CFAP299: variants seen among roughly 807,000 people sequenced by gnomAD.
CFAP299 encodes the protein cilia and flagella associated protein 299.
CFAP299 carries 21 observed loss-of-function variants against 27.0 expected under a neutral mutation model. The observed-to-expected ratio is 0.78, with a 90% confidence interval of 0.55 to 1.12. The LOEUF (loss-of-function observed/expected upper bound fraction) is 1.12, where lower values mean the gene tolerates loss of function less well. Among genes scored for constraint, CFAP299 ranks in the 50% most tolerant of loss-of-function variants. CFAP299 has a pLI of 0.00. For missense variants in CFAP299, 310 were observed against 276.6 expected (o/e 1.12, Z -0.86); for synonymous variants, 104 against 98.1 (o/e 1.06, Z -0.36).
chr4:80,860,095 A>G (rs1180734349), intron 3 of CFAP299, among the ~76,000 whole-genome samples: 1 of 152,098 alleles, frequency 6.6e-6, no homozygotes, highest in Non-Finnish European at 1.5e-5. Context: ...TATTTCTTGG[A>G]GGCTTTGTTC....
chr4:80,546,353 T>G (rs1310242845), intron 2 of CFAP299, among the ~76,000 whole-genome samples: 1 of 152,050 alleles, frequency 6.6e-6, no homozygotes, highest in Non-Finnish European at 1.5e-5. Context: ...CAGAGCCACA[T>G]CAGCAATGCA....
rs1553924204 is a variant in CFAP299 at position 80,450,910 on chromosome 4, T to TGTGA, written c.242+88027_242+88028insTGAG. ...TACCGTGTGTGTGTGTGTGTGTGTG[T>TGTGA]GAGAGAGAGAGAGAGAGCATTTGGG... On this transcript the variant is annotated intron_variant, in intron 2 of 5. Coordinates refer to ENST00000358105, the MANE Select transcript of CFAP299 (RefSeq NM_152770.3). Among the ~76,000 whole-genome samples, 524 of 147,584 alleles carry TGTGA rather than the reference T, an allele frequency of 3.6e-3. 3 individuals are homozygous for TGTGA. Among genetic ancestry groups the TGTGA allele is most frequent in the African/African-American group, 0.011 (451 of 40,000 alleles).
chr4:80,370,589 G>A (rs1024573602), intron 2 of CFAP299, among the ~76,000 whole-genome samples: 4 of 152,304 alleles, frequency 2.6e-5, no homozygotes, highest in Middle Eastern at 3.4e-3. Flanking sequence ...GGGAGAAATC[G>A]GCCAAAAGAA....
intron 3 of CFAP299, among the ~76,000 whole-genome samples, chr4:80,783,391 C>G (rs1727046565): frequency 6.6e-6 from 1 of 152,120 alleles, no homozygotes; most frequent in Non-Finnish European, 1.5e-5. Flanking sequence ...CCATACGAGG[C>G]ACCTCCATTT....
intron 1 of CFAP299, among the ~76,000 whole-genome samples, chr4:80,347,076 T>C (rs1722767736): frequency 6.6e-6 from 1 of 152,162 alleles, no homozygotes; most frequent in African/African-American, 2.4e-5. Flanking sequence ...TCTCTGTTTG[T>C]CTGTTATTGG....
In CFAP299 at chr4:80,340,608, T is replaced by C. The variant is rs140942652; in HGVS notation, c.111+4729T>C. On this transcript the variant is annotated intron_variant, in intron 1 of 5. Transcript: ENST00000358105. Reference sequence around the variant, plus strand: ...GCAGTAGACTGGAGACTGCCTAAGATGGACAAATTCCCAGGGGGACAGGTG... The same window carrying C: ...GCAGTAGACTGGAGACTGCCTAAGACGGACAAATTCCCAGGGGGACAGGTG... 6.2e-3 allele frequency among the ~76,000 whole-genome samples: 947 copies of C among 152,208 alleles called. 2 individuals are homozygous for C. The highest frequency in any genetic ancestry group is 0.024 in the Middle Eastern group (7 of 292).
chr4:80,431,051 C>G (rs1727790618), intron 2 of CFAP299, among the ~76,000 whole-genome samples: 1 of 152,212 alleles, frequency 6.6e-6, no homozygotes, highest in South Asian at 2.1e-4. Flanking sequence ...TGCCCTCTTC[C>G]TTCACAGCAG....
At chr4:80,731,403 G>T (rs1416898552) in intron 3 of CFAP299, among the ~76,000 whole-genome samples, 2 of 152,166 alleles carry the variant, frequency 1.3e-5, no homozygotes, top group Non-Finnish European at 2.9e-5. Flanking sequence ...AAAAATGGAG[G>T]CATGCATGCG....
intron 2 of CFAP299, among the ~76,000 whole-genome samples, chr4:80,543,865 C>G (rs1734113718): frequency 6.6e-6 from 1 of 152,060 alleles, no homozygotes; most frequent in African/African-American, 2.4e-5. Context: ...CTATGCAAAA[C>G]AACCATCCCC....
At chr4:80,827,825 TA>T (rs970609911) in intron 3 of CFAP299, among the ~76,000 whole-genome samples, 12 of 152,126 alleles carry the variant, frequency 7.9e-5, no homozygotes, top group African/African-American at 2.9e-4. Context: ...TAATATGTCT[TA>T]AAACTAATAA....
chr4:80,462,352 C>A (rs1203393953), intron 2 of CFAP299, among the ~76,000 whole-genome samples: 1 of 152,172 alleles, frequency 6.6e-6, no homozygotes, highest in African/African-American at 2.4e-5. Context: ...GCGGAGCAGA[C>A]TATAGTAATC....
chr4:80,657,363 C>G (rs552793004), intron 3 of CFAP299, among the ~76,000 whole-genome samples: 6 of 152,098 alleles, frequency 3.9e-5, no homozygotes, highest in Non-Finnish European at 8.8e-5. Context: ...GGTTTTAGGT[C>G]TTATGTTTAA....
At chr4:80,556,477 C>T (rs1734790036) in intron 2 of CFAP299, among the ~76,000 whole-genome samples, 1 of 151,818 alleles carries the variant, frequency 6.6e-6, no homozygotes, top group Non-Finnish European at 1.5e-5. Flanking sequence ...TCATACAATC[C>T]TGGAACACAT....
At chr4:80,359,684 C>A (rs1249445746) in intron 1 of CFAP299, among the ~76,000 whole-genome samples, 3 of 152,186 alleles carry the variant, frequency 2.0e-5, no homozygotes, top group Non-Finnish European at 4.4e-5. Context: ...TAGTTACATT[C>A]TTTTCTCTAC....
At chr4:80,764,008 A>G (rs1165054617) in intron 3 of CFAP299, among the ~76,000 whole-genome samples, 1 of 152,202 alleles carries the variant, frequency 6.6e-6, no homozygotes, top group African/African-American at 2.4e-5. Context: ...AAACCCTAGA[A>G]GAAAACCTAG....
At chr4:80,674,795 T>G (rs1291937077) in intron 3 of CFAP299, among the ~76,000 whole-genome samples, 1 of 152,224 alleles carries the variant, frequency 6.6e-6, no homozygotes, top group East Asian at 1.9e-4. Context: ...TTGATACACA[T>G]TATTCAACTT....
At chr4:80,530,610 G>T (rs1435278356) in intron 2 of CFAP299, among the ~76,000 whole-genome samples, 1 of 152,154 alleles carries the variant, frequency 6.6e-6, no homozygotes, top group Non-Finnish European at 1.5e-5. Flanking sequence ...TTTTGTGGAG[G>T]TTACTCTGTA....
At chr4:80,737,004 T>A (rs1197805075) in intron 3 of CFAP299, among the ~76,000 whole-genome samples, 12 of 152,238 alleles carry the variant, frequency 7.9e-5, no homozygotes, top group African/African-American at 2.6e-4. Flanking sequence ...TGAGTTCATG[T>A]CCTTTGTAGG....
chr4:80,816,230 T>A (rs187984906), intron 3 of CFAP299, among the ~76,000 whole-genome samples: 1 of 152,164 alleles, frequency 6.6e-6, no homozygotes, highest in Admixed American at 6.6e-5. Flanking sequence ...GGCAGATAAT[T>A]TGTAAATGGT....
Sources: allele counts gnomAD v4.1 joint callset (sites outside exome capture counted in the v4.1 genomes callset), GRCh38; gene constraint gnomAD v4.1.1; transcripts MANE v1.5; gene names NCBI Gene and HGNC (gene_info 2026-07-23, HGNC 2026-07-21).